The following PTPRD variants were observed in gnomAD, a reference collection of about 807,000 sequenced individuals.
PTPRD encodes the protein receptor-type tyrosine-protein phosphatase delta.
In PTPRD, 34 loss-of-function variants were observed where a neutral mutation model predicts 214.5. That is an observed-to-expected ratio of 0.16 (90% CI 0.12 to 0.21). The LOEUF is 0.21. Ranked by LOEUF, PTPRD falls within the 10% of genes least tolerant of loss-of-function variation. The pLI, the probability that PTPRD is intolerant of heterozygous loss-of-function variation, is 1.00. For missense variants in PTPRD, 2,545 were observed against 2,398.7 expected (o/e 1.06, Z -1.27); for synonymous variants, 1,128 against 845.7 (o/e 1.33, Z -5.79).
chr9:9,717,850 G>C (rs537002006), intron 7 of PTPRD, among the ~76,000 whole-genome samples: 56 of 152,104 alleles, frequency 3.7e-4, no homozygotes, highest in African/African-American at 1.3e-3. Flanking sequence ...ACTTTTATCT[G>C]TAAAACACTT....
intron 2 of PTPRD, among the ~76,000 whole-genome samples, chr9:10,520,726 T>A (rs892615810): frequency 6.6e-6 from 1 of 152,072 alleles, no homozygotes; most frequent in Non-Finnish European, 1.5e-5. Context: ...TAATTCTCAT[T>A]TACCATTCCC....
chr9:10,316,936 T>C (rs1210316418), intron 3 of PTPRD, among the ~76,000 whole-genome samples: 2 of 151,900 alleles, frequency 1.3e-5, no homozygotes, highest in Non-Finnish European at 2.9e-5. Context: ...AATTGCTTTT[T>C]AAGGAGTCTC....
At chr9:9,826,956 G>C (rs573680036) in intron 5 of PTPRD, among the ~76,000 whole-genome samples, 2 of 152,002 alleles carry the variant, frequency 1.3e-5, no homozygotes, top group African/African-American at 4.8e-5. Flanking sequence ...GGGATGTGAA[G>C]GACCTCTTCA....
At chr9:8,648,031 C>G (rs866731380) in intron 12 of PTPRD, among the ~76,000 whole-genome samples, 4 of 152,210 alleles carry the variant, frequency 2.6e-5, no homozygotes, top group Non-Finnish European at 4.4e-5. Context: ...CATTCCAGAA[C>G]AGCATGCAAT....
chr9:9,984,132 G>C (rs1209279374), intron 4 of PTPRD, among the ~76,000 whole-genome samples: 1 of 151,672 alleles, frequency 6.6e-6, no homozygotes, highest in South Asian at 2.1e-4. Context: ...TTAAATATAA[G>C]TGAATAAAAA....
chr9:8,401,601 C>T (rs1037502322), intron 36 of PTPRD, among the ~76,000 whole-genome samples: 1 of 152,122 alleles, frequency 6.6e-6, no homozygotes, highest in African/African-American at 2.4e-5. Flanking sequence ...CACCAAGTGT[C>T]ACTATTTTCA....
intron 14 of PTPRD, among the ~76,000 whole-genome samples, chr9:8,580,888 G>C (rs1013834451): frequency 3.9e-5 from 6 of 152,186 alleles, no homozygotes; most frequent in Non-Finnish European, 5.9e-5. Context: ...AAGCCAAACA[G>C]TAGATCACAT....
rs139982810 is a variant in PTPRD, at chr9:9,433,728, T to C, written c.-236-36246A>G. On this transcript the variant is annotated intron_variant, in intron 8 of 45. Transcript: ENST00000381196. The stretch of plus-strand genomic sequence containing the variant: ...CTTCTTGATTATTACTGCATACATA[T>C]TTACAAGTCGCAAAAGAATAGCATG... Among the ~76,000 whole-genome samples the C allele has an allele frequency of 3.1e-3, 466 of 152,264 alleles. 3 individuals are homozygous for C. Among genetic ancestry groups the C allele is most frequent in the African/African-American group, 0.01 (434 of 41,556 alleles).
At chr9:10,449,482 C>T (rs1053400712) in intron 2 of PTPRD, among the ~76,000 whole-genome samples, 3 of 151,056 alleles carry the variant, frequency 2.0e-5, no homozygotes, top group South Asian at 2.1e-4. Context: ...AGTGAGGAGC[C>T]TCTCTGCCTG....
At chr9:9,346,273 G>A (rs953690452) in intron 9 of PTPRD, among the ~76,000 whole-genome samples, 1 of 152,048 alleles carries the variant, frequency 6.6e-6, no homozygotes, top group Non-Finnish European at 1.5e-5. Context: ...AAAGAAAACT[G>A]TACAGCAAAC....
intron 10 of PTPRD, among the ~76,000 whole-genome samples, chr9:9,151,170 C>T (rs189579024): frequency 4.6e-5 from 7 of 152,344 alleles, no homozygotes; most frequent in South Asian, 2.1e-4. Context: ...ACTTTTACCT[C>T]GGATCTCAAT....
intron 3 of PTPRD, among the ~76,000 whole-genome samples, chr9:10,046,308 A>G (rs2097394571): frequency 6.6e-6 from 1 of 151,838 alleles, no homozygotes; most frequent in Admixed American, 6.6e-5. Context: ...ACACAACTGC[A>G]TCTTTGAACT....
chr9:9,390,583 A>G (rs1044104410), intron 9 of PTPRD, among the ~76,000 whole-genome samples: 10 of 152,200 alleles, frequency 6.6e-5, no homozygotes, highest in Non-Finnish European at 1.5e-4. Context: ...TATTATTGTT[A>G]TTATTGCCTT....
intron 12 of PTPRD, among the ~76,000 whole-genome samples, chr9:8,686,802 C>T (rs544015670): frequency 1.1e-4 from 16 of 152,234 alleles, no homozygotes; most frequent in South Asian, 1.0e-3. Context: ...TAAGTTTTGA[C>T]GCATTTAAAG....
chr9:10,073,325 G>A (rs2098068994), intron 3 of PTPRD, among the ~76,000 whole-genome samples: 1 of 152,020 alleles, frequency 6.6e-6, no homozygotes. Flanking sequence ...GCTGCCATAA[G>A]TAACTTTGGA....
intron 5 of PTPRD, among the ~76,000 whole-genome samples, chr9:9,911,820 T>C (rs115962587): frequency 0.015 from 2,274 of 152,190 alleles, 65 homozygotes; most frequent in African/African-American, 0.053. Context: ...ATTTTAAAAA[T>C]TTTCCTGTGG....
At chr9:8,834,359 AGT>A (rs1366841480) in intron 11 of PTPRD, among the ~76,000 whole-genome samples, 3 of 152,110 alleles carry the variant, frequency 2.0e-5, no homozygotes, top group African/African-American at 4.8e-5. Flanking sequence ...TTCACATGAT[AGT>A]GTTTCTTTTT....
chr9:8,724,895 G>C (rs903602265), intron 12 of PTPRD, among the ~76,000 whole-genome samples: 5 of 152,086 alleles, frequency 3.3e-5, no homozygotes, highest in African/African-American at 1.2e-4. Context: ...CCGAGATCGC[G>C]TCACTGCACT....
chr9:9,499,608 TC>T lies in PTPRD; in HGVS notation c.-237+75123del, dbSNP rs201958495. ...ATAGTATTCCTATCAGTATTATTTA[TC>T]AGTGAATCAGACTGGTATATGGGCA... is the stretch of plus-strand genomic sequence containing the variant. On this transcript the variant is annotated intron_variant, in intron 8 of 45. Coordinates refer to ENST00000381196, the MANE Select transcript of PTPRD (RefSeq NM_002839.4). Among the ~76,000 whole-genome samples, 483 of 152,230 alleles carry T rather than the reference TC, an allele frequency of 3.2e-3. 3 individuals carry two copies. Among genetic ancestry groups the T allele is most frequent in the African/African-American group, 0.011 (465 of 41,560 alleles).
Sources: gnomAD v4.1 joint callset for allele counts (sites outside exome capture counted in the v4.1 genomes callset) on GRCh38, gnomAD v4.1.1 for gene constraint, MANE v1.5 for transcripts, NCBI Gene and HGNC (gene_info 2026-07-23, HGNC 2026-07-21) for gene names.